Variants in DLGAP2 observed in about 807,000 individuals in gnomAD.
DLGAP2 encodes the protein DLG associated protein 2.
DLGAP2 carries 26 observed loss-of-function variants against 100.3 expected under a neutral mutation model. The observed-to-expected ratio is 0.26, with a 90% CI of 0.19 to 0.36. The LOEUF (loss-of-function observed/expected upper bound fraction) is 0.36, where lower values mean the gene tolerates loss of function less well. DLGAP2 is among the 10% of genes least tolerant of loss of function. The probability of loss-of-function intolerance (pLI) is 1.00; values close to 1 mark genes in which losing one functional copy is unlikely to be tolerated. For missense variants in DLGAP2, 1,858 were observed against 1,453.2 expected (o/e 1.28, Z -4.53); for synonymous variants, 886 against 630.1 (o/e 1.41, Z -6.08).
chr8:1,582,055 C>T (rs1298884789), intron 6 of DLGAP2, among the ~76,000 whole-genome samples: 1 of 145,564 alleles, frequency 6.9e-6, no homozygotes, highest in Non-Finnish European at 1.5e-5. Context: ...CACAGTCAAA[C>T]TACCAGAAGT....
intron 6 of DLGAP2, among the ~76,000 whole-genome samples, chr8:1,607,721 C>T (rs1796848846): frequency 6.6e-6 from 1 of 152,230 alleles, no homozygotes; most frequent in Admixed American, 6.5e-5. Context: ...GGCATTGCCT[C>T]ACCTGGGAAG....
intron 2 of DLGAP2, among the ~76,000 whole-genome samples, chr8:1,105,516 G>C (rs923504936): frequency 1.3e-5 from 2 of 152,126 alleles, no homozygotes; most frequent in African/African-American, 2.4e-5. Context: ...TGCTGAGCGG[G>C]GGTCTGTGCC....
chr8:1,508,909 G>A lies in DLGAP2; in HGVS notation c.172+7478G>A, dbSNP rs913769346. On this transcript the variant is annotated intron_variant, in intron 4 of 14. Transcript: ENST00000637795. ...GATCTAATATTGCCACATTCTCAAT[G>A]GTTTTCTGTTCTGCAGTTCTTTAGA... Among the ~76,000 whole-genome samples, 3 of 152,126 alleles carry A rather than the reference G, an allele frequency of 2.0e-5. No individual in the cohort carries two copies. The East Asian group carries it at 5.8e-4, about 30-fold the overall frequency.
intron 3 of DLGAP2, among the ~76,000 whole-genome samples, chr8:1,316,321 A>G: frequency 7.3e-6 from 1 of 136,398 alleles, no homozygotes. Flanking sequence ...GAAACTTGGC[A>G]GCGTTTAAAA....
intron 2 of DLGAP2, among the ~76,000 whole-genome samples, chr8:1,046,022 G>A (rs896720470): frequency 1.3e-5 from 2 of 152,136 alleles, no homozygotes; most frequent in Non-Finnish European, 2.9e-5. Flanking sequence ...GTGAGAGAAT[G>A]CTAGGAATGT....
intron 1 of DLGAP2, among the ~76,000 whole-genome samples, chr8:893,808 G>A (rs1435061845): frequency 1.3e-5 from 2 of 152,242 alleles, no homozygotes; most frequent in African/African-American, 4.8e-5. Context: ...GGTGTGTCCT[G>A]ACAGAACGAG....
At chr8:1,038,559 G>T (rs374896214) in intron 2 of DLGAP2, among the ~76,000 whole-genome samples, 3 of 152,198 alleles carry the variant, frequency 2.0e-5, no homozygotes, top group African/African-American at 7.2e-5. Context: ...AATATTAAAC[G>T]TTAGGAGTAA....
chr8:1,097,060 G>T (rs1804399882), intron 2 of DLGAP2, among the ~76,000 whole-genome samples: 1 of 141,890 alleles, frequency 7.0e-6, no homozygotes, highest in African/African-American at 2.7e-5. Flanking sequence ...GGCATGGAGA[G>T]GTCCCCTCCA....
chr8:1,372,248 ACG>A (rs1802257858), intron 3 of DLGAP2, among the ~76,000 whole-genome samples: 1 of 149,094 alleles, frequency 6.7e-6, no homozygotes, highest in Non-Finnish European at 1.5e-5. Flanking sequence ...CAACGCTGGG[ACG>A]CTGGTCACCG....
intron 2 of DLGAP2, among the ~76,000 whole-genome samples, chr8:1,006,954 T>C (rs1251553007): frequency 6.6e-6 from 1 of 151,976 alleles, no homozygotes; most frequent in Non-Finnish European, 1.5e-5. Context: ...CTTTATCACG[T>C]CGGGGACACC....
chr8:1,615,029 A>T (rs1797105671), intron 6 of DLGAP2, among the ~76,000 whole-genome samples: 1 of 152,256 alleles, frequency 6.6e-6, no homozygotes, highest in Non-Finnish European at 1.5e-5. Context: ...TAGGAACTGA[A>T]GCAGACAGCT....
chr8:1,174,576 C>G (rs537175700), intron 2 of DLGAP2, among the ~76,000 whole-genome samples: 17 of 151,786 alleles, frequency 1.1e-4, no homozygotes, highest in African/African-American at 3.6e-4. Context: ...ATCACCACCA[C>G]CATTACCATC....
chr8:753,625 G>C (rs549603638), intron 1 of DLGAP2: 1 of 152,342 alleles, frequency 6.6e-6, no homozygotes, highest in Non-Finnish European at 1.5e-5. Context: ...GAGGGAGGAA[G>C]TAGTTGGTGG....
intron 2 of DLGAP2, among the ~76,000 whole-genome samples, chr8:974,191 T>G (rs1180172163): frequency 6.6e-6 from 1 of 152,098 alleles, no homozygotes; most frequent in East Asian, 1.9e-4. Flanking sequence ...AAGATATATA[T>G]TAAAAATCCA....
At chr8:1,027,371 A>T (rs891166883) in intron 2 of DLGAP2, among the ~76,000 whole-genome samples, 4 of 150,390 alleles carry the variant, frequency 2.7e-5, no homozygotes, top group African/African-American at 9.8e-5. Context: ...GTTATTCTCC[A>T]GGTGGGGTGC....
intron 3 of DLGAP2, among the ~76,000 whole-genome samples, chr8:1,484,860 G>A (rs1799198055): frequency 6.6e-6 from 1 of 152,182 alleles, no homozygotes; most frequent in Admixed American, 6.5e-5. Context: ...CCTGGCAGCA[G>A]AGAGCAGACC....
In DLGAP2 at chr8:777,294, C is replaced by G. The variant is rs1462949856; in HGVS notation, c.18+39469C>G. Among the ~76,000 whole-genome samples the G allele has an allele frequency of 6.6e-5, 10 of 150,958 alleles. 1 individual carries two copies. The highest frequency in any genetic ancestry group is 3.9e-4 in the Admixed American group (6 of 15,196). Reference sequence around the variant, plus strand: ...AATACAGCACACTGATGGGTCTTGACTCTTTATCCAATTTGCCAGTCTGTG... The same window carrying G: ...AATACAGCACACTGATGGGTCTTGAGTCTTTATCCAATTTGCCAGTCTGTG... On this transcript the variant is annotated intron_variant, in intron 1 of 14. Transcript: ENST00000637795.
intron 3 of DLGAP2, among the ~76,000 whole-genome samples, chr8:1,330,976 TGAGTTCTGGGTGGGAGCACCGCTTCATG>T (rs1801145101): frequency 8.3e-5 from 11 of 132,298 alleles, no homozygotes; most frequent in Admixed American, 8.2e-4. Flanking sequence ...TCACCGGGAC[TGAGTTCTGGGTGGGAGCACCGCTTCATG>T]GGGACTGAGT....
chr8:1,143,500 G>T (rs191752528), intron 2 of DLGAP2, among the ~76,000 whole-genome samples: 38 of 152,308 alleles, frequency 2.5e-4, no homozygotes, highest in Middle Eastern at 3.4e-3. Context: ...TCAGGAACTG[G>T]AACAGGAACC....
Sources: allele counts gnomAD v4.1 joint callset (sites outside exome capture counted in the v4.1 genomes callset), GRCh38; gene constraint gnomAD v4.1.1; transcripts MANE v1.5; gene names NCBI Gene and HGNC (gene_info 2026-07-23, HGNC 2026-07-21).